CNTN4: variants seen among roughly 807,000 people sequenced by gnomAD.
CNTN4 encodes the protein contactin-4.
In CNTN4, 77 loss-of-function variants were observed where a neutral mutation model predicts 122.5. That is an observed-to-expected ratio of 0.63 (90% CI 0.52 to 0.76). The LOEUF (loss-of-function observed/expected upper bound fraction) is 0.76, where lower values mean the gene tolerates loss of function less well. Ranked by LOEUF, CNTN4 falls within the 30% of genes least tolerant of loss-of-function variation. The pLI, the probability that CNTN4 is intolerant of heterozygous loss-of-function variation, is 0.00. For missense variants in CNTN4, 1,256 were observed against 1,259.1 expected (o/e 1.00, Z 0.04); for synonymous variants, 512 against 447.0 (o/e 1.15, Z -1.83).
At chr3:2,732,720 G>A (rs1363244225) in intron 4 of CNTN4, among the ~76,000 whole-genome samples, 1 of 152,090 alleles carries the variant, frequency 6.6e-6, no homozygotes, top group Non-Finnish European at 1.5e-5. Flanking sequence ...AAATAAAGCA[G>A]CTCTTTTTTC....
intron 4 of CNTN4, among the ~76,000 whole-genome samples, chr3:2,596,899 C>T (rs1307620423): frequency 6.6e-6 from 1 of 152,160 alleles, no homozygotes; most frequent in East Asian, 1.9e-4. Flanking sequence ...TTGTCAACCA[C>T]ATCTTTTTCG....
At chr3:2,328,994 A>T (rs896967431) in intron 2 of CNTN4, among the ~76,000 whole-genome samples, 5 of 152,310 alleles carry the variant, frequency 3.3e-5, no homozygotes, top group African/African-American at 1.2e-4. Context: ...CTGGGTTTTA[A>T]ACTAATTTTT....
At chr3:2,166,992 A>G (rs1173258081) in intron 2 of CNTN4, among the ~76,000 whole-genome samples, 1 of 152,184 alleles carries the variant, frequency 6.6e-6, no homozygotes, top group Non-Finnish European at 1.5e-5. Context: ...GTAGTTTGAT[A>G]GTAGTAATCA....
At chr3:2,924,462 A>T (rs2094455221) in intron 12 of CNTN4, among the ~76,000 whole-genome samples, 2 of 152,222 alleles carry the variant, frequency 1.3e-5, no homozygotes, top group Admixed American at 1.3e-4. Flanking sequence ...ATATGATAAA[A>T]TTAAGATTCC....
At chr3:2,217,999 A>G (rs1319162998) in intron 2 of CNTN4, among the ~76,000 whole-genome samples, 1 of 152,186 alleles carries the variant, frequency 6.6e-6, no homozygotes, top group African/African-American at 2.4e-5. Flanking sequence ...GAAAAATTGG[A>G]AGGCTGGTAT....
intron 6 of CNTN4, among the ~76,000 whole-genome samples, chr3:2,750,992 C>T (rs868176051): frequency 5.5e-4 from 83 of 152,152 alleles, no homozygotes; most frequent in African/African-American, 1.8e-3. Flanking sequence ...GTGTGGCAGG[C>T]GTTGGCCCAC....
At position 2,755,155 on chromosome 3, in the gene CNTN4, T is replaced by C. The variant is rs77137883; in HGVS notation, c.358+9458T>C. Among the ~76,000 whole-genome samples the C allele has an allele frequency of 2.3e-3, 352 of 152,314 alleles. 2 individuals are homozygous for C. The highest frequency in any genetic ancestry group is 8.1e-3 in the African/African-American group (338 of 41,568). On this transcript the variant is annotated intron_variant, in intron 6 of 24. Coordinates refer to ENST00000418658, the MANE Select transcript of CNTN4 (RefSeq NM_175607.3). Reference sequence around the variant, plus strand: ...TTCATTGCTTTTAATATCTAATAACTAGCTTATCCTTCATAGCCAATGAGT... The same window carrying C: ...TTCATTGCTTTTAATATCTAATAACCAGCTTATCCTTCATAGCCAATGAGT...
intron 4 of CNTN4, among the ~76,000 whole-genome samples, chr3:2,711,944 A>T (rs2087176209): frequency 6.6e-6 from 1 of 152,154 alleles, no homozygotes; most frequent in Non-Finnish European, 1.5e-5. Context: ...ATTTTTTTAA[A>T]ACTCTTCCTT....
chr3:3,055,185 T>G, intron 24 of CNTN4, among the ~76,000 whole-genome samples: 1 of 152,174 alleles, frequency 6.6e-6, no homozygotes, highest in East Asian at 1.9e-4. Context: ...AGCCTCTAAC[T>G]TCTATCGAAA....
chr3:3,037,097 A>C, intron 17 of CNTN4, 82 bp from the exon 18 acceptor site: 1 of 1,462,296 alleles, frequency 6.8e-7, no homozygotes, highest in South Asian at 1.1e-5. Context: ...GGATGGATGG[A>C]TGTTCCTATC....
intron 3 of CNTN4, among the ~76,000 whole-genome samples, chr3:2,545,826 T>C (rs1253813812): frequency 6.6e-6 from 1 of 151,992 alleles, no homozygotes; most frequent in Non-Finnish European, 1.5e-5. Context: ...TTATCCACCT[T>C]GCCACTCTGT....
chr3:2,369,203 G>A (rs62244054), intron 3 of CNTN4, among the ~76,000 whole-genome samples: 17,551 of 152,122 alleles, frequency 0.12, 1,273 homozygotes, highest in Non-Finnish European at 0.16. Flanking sequence ...GATTACAGGC[G>A]TGAGCCACCA....
At chr3:3,049,538 C>A (rs114284431) in intron 23 of CNTN4, among the ~76,000 whole-genome samples, 5 of 152,144 alleles carry the variant, frequency 3.3e-5, no homozygotes, top group African/African-American at 4.8e-5. Flanking sequence ...ATCCTGAGTT[C>A]TACATTTAGC....
chr3:2,426,372 A>T (rs2047832999), intron 3 of CNTN4, among the ~76,000 whole-genome samples: 1 of 152,078 alleles, frequency 6.6e-6, no homozygotes, highest in Non-Finnish European at 1.5e-5. Flanking sequence ...GATTACGTTT[A>T]TTGATTTTCG....
At chr3:2,388,781 G>A (rs973957298) in intron 3 of CNTN4, among the ~76,000 whole-genome samples, 1 of 151,264 alleles carries the variant, frequency 6.6e-6, no homozygotes, top group Admixed American at 6.6e-5. Flanking sequence ...GGAGGTAGAG[G>A]TTGCAGTGAA....
intron 2 of CNTN4, among the ~76,000 whole-genome samples, chr3:2,299,565 T>G (rs2150058722): frequency 6.6e-6 from 1 of 152,274 alleles, no homozygotes; most frequent in Admixed American, 6.5e-5. Flanking sequence ...TTTATATTAT[T>G]TTTATGCCAT....
intron 8 of CNTN4, among the ~76,000 whole-genome samples, chr3:2,875,056 C>T (rs547187836): frequency 6.6e-6 from 1 of 152,254 alleles, no homozygotes; most frequent in Admixed American, 6.5e-5. Flanking sequence ...GATGTCAGCT[C>T]ACTGCAACCT....
intron 13 of CNTN4, among the ~76,000 whole-genome samples, chr3:2,941,715 T>C (rs557652742): frequency 4.7e-4 from 71 of 152,302 alleles, no homozygotes; most frequent in African/African-American, 1.7e-3. Flanking sequence ...ATGTGTTCTC[T>C]GTACCATAGC....
chr3:2,926,276 T>A (rs376106147), intron 13 of CNTN4, among the ~76,000 whole-genome samples: 4 of 152,200 alleles, frequency 2.6e-5, no homozygotes, highest in Non-Finnish European at 5.9e-5. Flanking sequence ...CAGCAGAGTG[T>A]TATGCTTTTT....
Sources: allele counts gnomAD v4.1 joint callset (sites outside exome capture counted in the v4.1 genomes callset), GRCh38; gene constraint gnomAD v4.1.1; transcripts MANE v1.5; gene names NCBI Gene and HGNC (gene_info 2026-07-23, HGNC 2026-07-21).